The following MACROD2 variants were observed in gnomAD, a reference collection of about 807,000 sequenced individuals.
The protein encoded by MACROD2 is mono-ADP ribosylhydrolase 2, also known as ADP-ribose glycohydrolase MACROD2.
MACROD2 carries 36 observed loss-of-function variants against 70.4 expected under a neutral mutation model. The ratio of observed to expected loss-of-function variants is 0.51; its 90% CI spans 0.39 to 0.68. The LOEUF (loss-of-function observed/expected upper bound fraction) is 0.68. Among genes scored for constraint, MACROD2 ranks in the 30% least tolerant of loss-of-function variants. The pLI is 0.00. For synonymous variants in MACROD2, 172 were observed against 178.8 expected, an observed-to-expected ratio of 0.96 and a Z score of 0.30; for missense variants, 496 against 538.4, an observed-to-expected ratio of 0.92 and a Z score of 0.78.
intron 3 of MACROD2, among the ~76,000 whole-genome samples, chr20:14,245,090 C>T (rs1601394543): frequency 1.3e-5 from 2 of 152,080 alleles, no homozygotes; most frequent in African/African-American, 2.4e-5. Flanking sequence ...CTAGGCCGGG[C>T]GTAGTGGCTC....
At chr20:14,459,044 A>G (rs1451746156) in intron 3 of MACROD2, among the ~76,000 whole-genome samples, 1 of 152,022 alleles carries the variant, frequency 6.6e-6, no homozygotes, top group Non-Finnish European at 1.5e-5. Flanking sequence ...TCCCTCCCCA[A>G]TACTCACTTT....
intron 12 of MACROD2, among the ~76,000 whole-genome samples, chr20:15,952,714 A>G (rs1040035137): frequency 2.6e-5 from 4 of 152,148 alleles, no homozygotes; most frequent in African/African-American, 9.7e-5. Flanking sequence ...AGCACACCAG[A>G]CTTTAGGGGA....
chr20:14,200,900 A>G (rs975026639), intron 3 of MACROD2, among the ~76,000 whole-genome samples: 1 of 148,094 alleles, frequency 6.8e-6, no homozygotes, highest in Non-Finnish European at 1.5e-5. Context: ...GTATCTTTGT[A>G]TAAGTCCTTT....
intron 5 of MACROD2, among the ~76,000 whole-genome samples, chr20:15,093,611 AAAG>A (rs1208588386): frequency 6.6e-6 from 1 of 152,190 alleles, no homozygotes; most frequent in African/African-American, 2.4e-5. Context: ...TTTATTTAAA[AAAG>A]CTACCTCACT....
At chr20:14,163,647 T>A (rs2055223597) in intron 3 of MACROD2, among the ~76,000 whole-genome samples, 3 of 151,816 alleles carry the variant, frequency 2.0e-5, no homozygotes, top group African/African-American at 7.3e-5. Context: ...TCTTTGTTTT[T>A]CTTTTTTCTT....
chr20:14,367,417 T>TA (rs751379449), intron 3 of MACROD2, among the ~76,000 whole-genome samples: 1 of 152,238 alleles, frequency 6.6e-6, no homozygotes, highest in Non-Finnish European at 1.5e-5. Context: ...TCCTTTTTGT[T>TA]AAGTCTAAAG....
At chr20:15,795,925 G>A (rs927257314) in intron 8 of MACROD2, among the ~76,000 whole-genome samples, 11 of 152,154 alleles carry the variant, frequency 7.2e-5, no homozygotes, top group African/African-American at 2.4e-4. Flanking sequence ...TGCCACATTA[G>A]CATTTCTATT....
intron 5 of MACROD2, among the ~76,000 whole-genome samples, chr20:14,900,832 T>A (rs2073886813): frequency 6.6e-6 from 1 of 152,046 alleles, no homozygotes; most frequent in African/African-American, 2.4e-5. Flanking sequence ...ATTATTTCTC[T>A]TATTTTGCTT....
At chr20:15,721,439 C>T (rs1204711802) in intron 8 of MACROD2, among the ~76,000 whole-genome samples, 1 of 152,038 alleles carries the variant, frequency 6.6e-6, no homozygotes, top group Admixed American at 6.6e-5. Flanking sequence ...CATCCTTGAC[C>T]CTTTCTTGAT....
At chr20:14,013,279 T>TC in intron 2 of MACROD2, among the ~76,000 whole-genome samples, 1 of 151,006 alleles carries the variant, frequency 6.6e-6, no homozygotes, top group East Asian at 1.9e-4. Context: ...CTTTCTTTTT[T>TC]TTTTTTTTTT....
intron 6 of MACROD2, among the ~76,000 whole-genome samples, chr20:15,427,806 T>C (rs2046317938): frequency 6.6e-6 from 1 of 152,202 alleles, no homozygotes; most frequent in East Asian, 1.9e-4. Context: ...AGTTGAAGGC[T>C]GTCTGCTGGG....
At chr20:15,877,336 T>C (rs1017927880) in intron 9 of MACROD2, among the ~76,000 whole-genome samples, 1 of 152,172 alleles carries the variant, frequency 6.6e-6, no homozygotes, top group African/African-American at 2.4e-5. Context: ...TGTGCCCAGT[T>C]GGGCAAGCCA....
At chr20:15,327,214 C>A (rs751494831) in intron 6 of MACROD2, among the ~76,000 whole-genome samples, 4 of 152,016 alleles carry the variant, frequency 2.6e-5, no homozygotes, top group Non-Finnish European at 5.9e-5. Flanking sequence ...CTTAGAAAGG[C>A]CTATTTGTTC....
At chr20:14,752,394 G>A (rs1437672191) in intron 5 of MACROD2, among the ~76,000 whole-genome samples, 1 of 151,654 alleles carries the variant, frequency 6.6e-6, no homozygotes, top group Non-Finnish European at 1.5e-5. Context: ...AAAAAAATAA[G>A]ACTCATCCTC....
At chr20:14,052,356 A>G (rs1312141964) in intron 2 of MACROD2, among the ~76,000 whole-genome samples, 1 of 152,134 alleles carries the variant, frequency 6.6e-6, no homozygotes, top group Non-Finnish European at 1.5e-5. Context: ...AGCTATCAAT[A>G]ACTCTTAGAA....
chr20:15,555,021 G>A (rs926593456), intron 8 of MACROD2, among the ~76,000 whole-genome samples: 1 of 152,156 alleles, frequency 6.6e-6, no homozygotes, highest in African/African-American at 2.4e-5. Flanking sequence ...TCTATCAGTG[G>A]AATTTGAGTT....
chr20:14,879,146 G>A (rs1913211655), intron 5 of MACROD2, among the ~76,000 whole-genome samples: 2 of 151,946 alleles, frequency 1.3e-5, no homozygotes, highest in Admixed American at 1.3e-4. Context: ...TTAAAACCTT[G>A]TACACAGTAC....
intron 5 of MACROD2, among the ~76,000 whole-genome samples, chr20:14,808,312 G>T (rs2072665364): frequency 1.3e-5 from 2 of 152,060 alleles, no homozygotes; most frequent in South Asian, 4.1e-4. Flanking sequence ...TTTCAACCCA[G>T]AATTTTATAT....
chr20:15,783,003 T>C (rs181928319), intron 8 of MACROD2, among the ~76,000 whole-genome samples: 65 of 152,288 alleles, frequency 4.3e-4, no homozygotes, highest in African/African-American at 1.5e-3. Flanking sequence ...GTAAATATTT[T>C]TCAAAATTAT....
Sources: gnomAD v4.1 joint callset for allele counts (sites outside exome capture counted in the v4.1 genomes callset) on GRCh38, gnomAD v4.1.1 for gene constraint, MANE v1.5 for transcripts, NCBI Gene and HGNC (gene_info 2026-07-23, HGNC 2026-07-21) for gene names.